The following NID1 variants were observed in gnomAD, a reference collection of about 807,000 sequenced individuals.
NID1 encodes nidogen 1, also known as nidogen-1.
NID1 carries 76 observed loss-of-function variants against 130.6 expected under a neutral mutation model. The ratio of observed to expected loss-of-function variants is 0.58; its 90% CI spans 0.48 to 0.70. NID1 has a LOEUF of 0.70. Ranked by LOEUF, NID1 falls within the 30% of genes least tolerant of loss-of-function variation. The pLI is 0.00. For synonymous variants in NID1, 665 were observed against 675.1 expected (o/e 0.98, Z 0.23); for missense variants, 1,517 against 1,664.8 (o/e 0.91, Z 1.54).
chr1:236,061,312 A>G (rs978929250), intron 1 of NID1, among the ~76,000 whole-genome samples: 1 of 152,194 alleles, frequency 6.6e-6, no homozygotes, highest in African/African-American at 2.4e-5. Flanking sequence ...CCTGGGGAAA[A>G]ATATAACTTC....
rs555518439 is a variant in NID1 at position 236,006,299 on chromosome 1, T to C, written c.2527+5622A>G. ...CCATTTGACCCTCCCTAGAAATTAA[T>C]GGGTCTAGGCAGTAATCATCAATAG... On this transcript the variant is annotated intron_variant, in intron 12 of 19. Coordinates refer to ENST00000264187, the MANE Select transcript of NID1 (RefSeq NM_002508.3). Among the ~76,000 whole-genome samples the C allele has an allele frequency of 2.9e-4, 44 of 152,238 alleles. 1 individual carries two copies. Among genetic ancestry groups the C allele is most frequent in the African/African-American group, 1.0e-3 (43 of 41,546 alleles).
intron 7 of NID1, among the ~76,000 whole-genome samples, chr1:236,028,415 G>GTT (rs1658999885): frequency 6.6e-6 from 1 of 152,114 alleles, no homozygotes; most frequent in African/African-American, 2.4e-5. Context: ...GGCTGAGGTG[G>GTT]GAGGCTCACT....
In NID1 at chr1:235,993,730, G is replaced by A. The variant is rs1470860544; in HGVS notation, c.2670C>T (p.His890=). 1.2e-6 allele frequency: 2 copies of A among 1,611,994 alleles called. No homozygotes were observed. Among genetic ancestry groups the A allele is most frequent in the Non-Finnish European group, 1.7e-6 (2 of 1,178,786 alleles). ...AHGHYAPTQC[H]GSTGYCWCVD... ...CGCACCAGCAGTAGCCGGTGCTGCC[G>A]TGGCACTGGGTGGGCGCGTAGTGCC... Residue 890 remains histidine (H), a synonymous_variant, in exon 13 of 20, where the codon CAC becomes CAT. Transcript: ENST00000264187.
intron 1 of NID1, among the ~76,000 whole-genome samples, chr1:236,058,409 C>A (rs954269320): frequency 2.0e-5 from 3 of 152,124 alleles, no homozygotes; most frequent in Non-Finnish European, 4.4e-5. Context: ...CAGAGCATGT[C>A]AATTAGATCA....
intron 2 of NID1, among the ~76,000 whole-genome samples, chr1:236,048,382 T>C (rs1245682555): frequency 2.0e-5 from 3 of 152,018 alleles, no homozygotes; most frequent in Non-Finnish European, 4.4e-5. Flanking sequence ...ATCCTTCCAC[T>C]ATCTGCCACC....
chr1:236,026,211 C>A, intron 7 of NID1, 70 bp from the exon 8 acceptor site: 1 of 1,582,640 alleles, frequency 6.3e-7, no homozygotes, highest in Admixed American at 1.7e-5. Flanking sequence ...ATGCAAGAAG[C>A]TGAATCAACG....
intron 12 of NID1, among the ~76,000 whole-genome samples, chr1:235,996,215 G>A (rs555315787): frequency 1.1e-4 from 16 of 152,274 alleles, no homozygotes; most frequent in Middle Eastern, 6.8e-3. Context: ...GCTGGGGGAT[G>A]CACACAGGAA....
Position 236,042,192 on chromosome 1 carries a change from C to A in NID1, c.853G>T (p.Asp285Tyr). ...TCCTCATCATCATACTCTGCCCCAT[C>A]TTCAGTTCCGAGGATCACGTCTGCA... The part of the protein sequence containing the change: ...VPADVILGTE[D>Y]GAEYDDEDED... The change falls in exon 4 of 20, where the codon GAT becomes TAT. Residue 285 changes from aspartate to tyrosine, a missense_variant. Around this residue, in one of 3 missense-constraint regions of NID1, gnomAD observed 1,329 missense variants for 1,429.2 expected, o/e 0.93. Coordinates refer to ENST00000264187, the MANE Select transcript of NID1 (RefSeq NM_002508.3). 1 of 1,613,938 alleles carries A rather than the reference C, an allele frequency of 6.2e-7. No homozygotes were observed. Among genetic ancestry groups the A allele is most frequent in the Non-Finnish European group, 8.5e-7 (1 of 1,180,040 alleles).
At chr1:235,998,851 A>G (rs1241141171) in intron 12 of NID1, among the ~76,000 whole-genome samples, 1 of 152,168 alleles carries the variant, frequency 6.6e-6, no homozygotes, top group Non-Finnish European at 1.5e-5. Flanking sequence ...TTTTACACCA[A>G]ATGAGAAAAC....
At position 235,979,976 on chromosome 1, in the gene NID1, T is replaced by C; in HGVS notation, c.3386-31A>G. The C allele has an allele frequency of 6.2e-7, 1 of 1,611,196 alleles. No homozygotes were observed. Among genetic ancestry groups the C allele is most frequent in the Non-Finnish European group, 8.5e-7 (1 of 1,178,460 alleles). On this transcript the variant is annotated intron_variant, in intron 17 of 19. Transcript: ENST00000264187. This position sits in a 1 kb window ranked among gnomAD's most constrained non-coding sequence, Gnocchi z 4.6. The stretch of plus-strand genomic sequence containing the variant: ...TGGAGTGGAAACAATTCATTCATTG[T>C]TCACACAAGAAATGGCCCCTTTGTG...
At chr1:235,990,033 A>G (rs1330069946) in intron 14 of NID1, among the ~76,000 whole-genome samples, 1 of 152,254 alleles carries the variant, frequency 6.6e-6, no homozygotes, top group Non-Finnish European at 1.5e-5. Context: ...TTGTGCAGGA[A>G]AAGGACATGA....
chr1:236,048,675 T>C lies in NID1; in HGVS notation c.525+15A>G. 3 of 1,604,208 alleles carry C rather than the reference T, an allele frequency of 1.9e-6. No individual in the cohort carries two copies. Among genetic ancestry groups the C allele is most frequent in the Non-Finnish European group, 2.5e-6 (3 of 1,178,132 alleles). On this transcript the variant is annotated intron_variant, in intron 2 of 19. Coordinates refer to ENST00000264187, the MANE Select transcript of NID1 (RefSeq NM_002508.3). ...GTGTCTGATTACCTGCACTTGGACCTGGAGGGGAGCTTACCTTGCCTTTCT... is the reference window on the plus strand; with the variant it reads ...GTGTCTGATTACCTGCACTTGGACCCGGAGGGGAGCTTACCTTGCCTTTCT...
chr1:236,056,485 T>C (rs1051007107), intron 1 of NID1, among the ~76,000 whole-genome samples: 1 of 152,258 alleles, frequency 6.6e-6, no homozygotes, highest in African/African-American at 2.4e-5. Flanking sequence ...TTTCTTTGCA[T>C]TGGGAACATT....
At chr1:235,982,396 G>A (rs534032434) in intron 15 of NID1, among the ~76,000 whole-genome samples, 28 of 152,098 alleles carry the variant, frequency 1.8e-4, no homozygotes, top group Non-Finnish European at 3.7e-4. Flanking sequence ...GGGAGGCAGT[G>A]GAAGATCTTA....
intron 7 of NID1, among the ~76,000 whole-genome samples, chr1:236,028,481 T>A (rs377054123): frequency 6.6e-6 from 1 of 151,994 alleles, no homozygotes; most frequent in African/African-American, 2.4e-5. Flanking sequence ...GCACTCCAGC[T>A]TGGGCGACAG....
chr1:236,048,289 C>T (rs1659667628), intron 2 of NID1, among the ~76,000 whole-genome samples: 2 of 147,910 alleles, frequency 1.4e-5, no homozygotes, highest in African/African-American at 2.5e-5. Context: ...GAGCCAAGAT[C>T]GTGCCACTGC....
chr1:236,029,375 C>T (rs1300219110), intron 7 of NID1, among the ~76,000 whole-genome samples, 175 bp downstream of exon 7: 1 of 152,160 alleles, frequency 6.6e-6, no homozygotes, highest in Non-Finnish European at 1.5e-5. Context: ...ACAAAATTCT[C>T]TACAAGGAGT....
At chr1:236,039,022 A>G (rs1659360646) in intron 4 of NID1, among the ~76,000 whole-genome samples, 1 of 140,356 alleles carries the variant, frequency 7.1e-6, no homozygotes, top group South Asian at 2.1e-4. Flanking sequence ...ATATATTTAC[A>G]TTATATTATA....
chr1:235,980,581 C>G lies in NID1; in HGVS notation c.3300G>C (p.Arg1100=), dbSNP rs758049514. Residue 1100 remains arginine (R), a synonymous_variant, in exon 17 of 20, where the codon CGG becomes CGC. Transcript: ENST00000264187. ...CCAGGTCATCCTGCACAAGGATCCT[C>G]CGGTTCGTGCCGTCCATGTAGGAAG... The part of the protein sequence containing the change: ...IETSYMDGTN[R]RILVQDDLGL... 2 of 1,614,072 alleles carry G rather than the reference C, an allele frequency of 1.2e-6. No homozygotes were observed. The highest frequency in any genetic ancestry group is 1.3e-5 in the African/African-American group (1 of 74,930).
Sources: gnomAD v4.1 joint callset for allele counts (sites outside exome capture counted in the v4.1 genomes callset) on GRCh38, gnomAD v4.1.1 for gene constraint, gnomAD v4.1.1 regional missense constraint, Gnocchi (gnomAD v3.1) non-coding constraint, MANE v1.5 for transcripts, NCBI Gene and HGNC (gene_info 2026-07-23, HGNC 2026-07-21) for gene names.